The following PRDM16 variants were observed in gnomAD, a reference collection of about 807,000 sequenced individuals.
PRDM16 encodes histone-lysine N-methyltransferase PRDM16.
PRDM16 carries 23 observed loss-of-function variants against 110.6 expected under a neutral mutation model. That is an observed-to-expected ratio of 0.21 (90% confidence interval 0.15 to 0.29). The LOEUF (loss-of-function observed/expected upper bound fraction) is 0.29. Ranked by LOEUF, PRDM16 falls within the 10% of genes least tolerant of loss-of-function variation. The pLI, the probability that PRDM16 is intolerant of heterozygous loss-of-function variation, is 1.00. For synonymous variants in PRDM16, 799 were observed against 781.8 expected, an observed-to-expected ratio of 1.02 and a Z score of -0.37; for missense variants, 1,615 against 1,794.3, an observed-to-expected ratio of 0.90 and a Z score of 1.81.
At chr1:3,172,243 G>A (rs905861730) in intron 1 of PRDM16, among the ~76,000 whole-genome samples, 2 of 152,188 alleles carry the variant, frequency 1.3e-5, no homozygotes, top group Non-Finnish European at 2.9e-5. Flanking sequence ...GGAGGAGGCT[G>A]AGGTCCAGAA....
Position 3,437,100 on chromosome 1 carries a change from A to G in PRDM16, c.*3289A>G, listed in dbSNP as rs1569805617. On this transcript the variant is annotated 3_prime_UTR_variant, in exon 17 of 17. Coordinates refer to ENST00000270722, the MANE Select transcript of PRDM16 (RefSeq NM_022114.4). Reference sequence around the variant, plus strand: ...CCCAAGATATCACTGACTTCAACCCAGAGGATCGAGCCCCTGCACCCTGCC... The same window carrying G: ...CCCAAGATATCACTGACTTCAACCCGGAGGATCGAGCCCCTGCACCCTGCC... 4.3e-6 allele frequency: 1 copy of G among 232,422 alleles called. No homozygotes were observed. The allele number at this position is 232,422 out of a possible 1,614,324, so 14.4% of individuals were successfully genotyped here. A position where few individuals can be genotyped will look rare whatever the true frequency, so the allele number is the denominator to read the frequency against.
At chr1:3,154,665 G>T (rs562318922) in intron 1 of PRDM16, among the ~76,000 whole-genome samples, 33 of 152,156 alleles carry the variant, frequency 2.2e-4, no homozygotes, top group Non-Finnish European at 4.3e-4. Flanking sequence ...CGGGCATCCT[G>T]CACTGGCGAG....
chr1:3,080,702 T>A lies in PRDM16; in HGVS notation c.37+11406T>A. 6.6e-6 allele frequency among the ~76,000 whole-genome samples: 1 copy of A among 152,054 alleles called. No homozygotes were observed. Among genetic ancestry groups the A allele is most frequent in the Middle Eastern group, 3.2e-3 (1 of 316 alleles). ...AAACTTGAGCAAAGCCAGCTTGCTC[T>A]CCCCCTCGGACCGGGCAACTGCTCC... is the stretch of plus-strand genomic sequence containing the variant. On this transcript the variant is annotated intron_variant, in intron 1 of 16. Coordinates refer to ENST00000270722, the MANE Select transcript of PRDM16 (RefSeq NM_022114.4). The surrounding 1 kb of genome is among the most constrained non-coding windows in gnomAD (Gnocchi z 5.2).
intron 2 of PRDM16, among the ~76,000 whole-genome samples, chr1:3,230,256 C>G (rs1639376814): frequency 6.6e-6 from 1 of 152,236 alleles, no homozygotes; most frequent in South Asian, 2.1e-4. Context: ...AGGGTGCCAA[C>G]TAGATGGCCG....
Position 3,370,171 on chromosome 1 carries a change from CGTG to C in PRDM16, c.439-14979_439-14977del, listed in dbSNP as rs1168200685. 6.6e-6 allele frequency among the ~76,000 whole-genome samples: 1 copy of C among 152,142 alleles called. No individual in the cohort carries two copies. The highest frequency in any genetic ancestry group is 1.5e-5 in the Non-Finnish European group (1 of 68,040). On this transcript the variant is annotated intron_variant, in intron 3 of 16. Transcript: ENST00000270722. This position sits in a 1 kb window ranked among gnomAD's most constrained non-coding sequence, Gnocchi z 4.8. The stretch of plus-strand genomic sequence containing the variant: ...AGGGTGCTGAGATGAACAAACCCAC[CGTG>C]GCCTCTGCTTTGGGGAGACTGGCCA...
intron 10 of PRDM16, among the ~76,000 whole-genome samples, chr1:3,415,916 C>T (rs926866292): frequency 6.6e-6 from 1 of 152,264 alleles, no homozygotes; most frequent in Non-Finnish European, 1.5e-5. Context: ...TGTGGAAAGA[C>T]CTCAGCCCTG....
At position 3,412,641 on chromosome 1, in the gene PRDM16, A is replaced by G. The variant is rs1369390354; in HGVS notation, c.2444A>G (p.Gln815Arg). The change falls in exon 9 of 17, where the codon CAA (glutamine) becomes CGA (arginine). Residue 815 changes from glutamine (Q) to arginine (R), a missense_variant. Transcript: ENST00000270722. Reference sequence around the variant, plus strand: ...ATCGGCAGCCGGGCCCGTGCCAGCCAAAACGGCGGCGGGCGGGAGCCCCGC... The same window carrying G: ...ATCGGCAGCCGGGCCCGTGCCAGCCGAAACGGCGGCGGGCGGGAGCCCCGC... ...LSIGSRARASQNGGGREPRKN... is the reference protein window; with the variant it reads ...LSIGSRARASRNGGGREPRKN... 7 of 1,564,078 alleles carry G rather than the reference A, an allele frequency of 4.5e-6. No homozygotes were observed. Among genetic ancestry groups the G allele is most frequent in the Admixed American group, 3.8e-5 (2 of 53,300 alleles).
chr1:3,114,190 C>T (rs1432142056), intron 1 of PRDM16, among the ~76,000 whole-genome samples: 3 of 103,300 alleles, frequency 2.9e-5, no homozygotes, highest in Non-Finnish European at 5.6e-5. Context: ...CACACGCACA[C>T]ACGCACACGC....
At chr1:3,087,648 G>A (rs1642180986) in intron 1 of PRDM16, among the ~76,000 whole-genome samples, 1 of 152,078 alleles carries the variant, frequency 6.6e-6, no homozygotes, top group Non-Finnish European at 1.5e-5. Context: ...CTGTTTCCTT[G>A]GACGTGACCA....
Position 3,425,703 on chromosome 1 carries a change from C to T in PRDM16, c.3062C>T (p.Thr1021Ile). Residue 1021 changes from threonine to isoleucine, a missense_variant, in exon 13 of 17, where the codon ACC becomes ATC. Thr to Ile is a moderately conservative substitution (Grantham distance 89). Coordinates refer to ENST00000270722, the MANE Select transcript of PRDM16 (RefSeq NM_022114.4). This position sits in a 1 kb window ranked among gnomAD's most constrained non-coding sequence, Gnocchi z 6.9. The part of the protein sequence containing the change: ...HLCNRCFGQQ[T>I]NLDRHLKKHE... ...TGCAACCGCTGCTTCGGGCAGCAGA[C>T]CAACCTGGACCGGCACCTCAAGAAG... 6.2e-7 allele frequency: 1 copy of T among 1,613,886 alleles called. No homozygotes were observed. Among genetic ancestry groups the T allele is most frequent in the Non-Finnish European group, 8.5e-7 (1 of 1,179,950 alleles).
At chr1:3,284,047 G>C (rs921094566) in intron 3 of PRDM16, among the ~76,000 whole-genome samples, 3 of 152,200 alleles carry the variant, frequency 2.0e-5, no homozygotes, top group African/African-American at 7.2e-5. Context: ...GCGGGCCTGG[G>C]GGGGCCTGGA....
rs1208919537 is a variant in PRDM16, at chr1:3,339,803, G to C, written c.439-45349G>C. ...CCTTCCCCAGCTGCTGGAATCCTCA[G>C]AGAGCCCCTGTCACTCAAAGGGAGG... On this transcript the variant is annotated intron_variant, in intron 3 of 16. Transcript: ENST00000270722. This position sits in a 1 kb window ranked among gnomAD's most constrained non-coding sequence, Gnocchi z 5.0. 6.6e-6 allele frequency among the ~76,000 whole-genome samples: 1 copy of C among 152,158 alleles called. No individual in the cohort carries two copies. Among genetic ancestry groups the C allele is most frequent in the Non-Finnish European group, 1.5e-5 (1 of 68,008 alleles).
chr1:3,272,466 G>A (rs1451161922), intron 3 of PRDM16, among the ~76,000 whole-genome samples: 5 of 152,158 alleles, frequency 3.3e-5, no homozygotes, highest in Non-Finnish European at 1.5e-5. Flanking sequence ...GGCTAGAGTC[G>A]TGCAGCCTCT....
At chr1:3,381,461 G>C (rs549913539) in intron 3 of PRDM16, among the ~76,000 whole-genome samples, 2 of 149,284 alleles carry the variant, frequency 1.3e-5, no homozygotes, top group Admixed American at 6.7e-5. Context: ...GGAGTGCAGT[G>C]GCGCAATCTC....
intron 1 of PRDM16, among the ~76,000 whole-genome samples, chr1:3,082,641 G>A (rs1305875096): frequency 6.6e-6 from 1 of 152,176 alleles, no homozygotes; most frequent in Non-Finnish European, 1.5e-5. Flanking sequence ...CCGGGGTTGG[G>A]GGCCAATGCC....
At chr1:3,103,111 A>G (rs888101835) in intron 1 of PRDM16, among the ~76,000 whole-genome samples, 5 of 152,212 alleles carry the variant, frequency 3.3e-5, no homozygotes, top group Non-Finnish European at 7.3e-5. Flanking sequence ...CAGCAAAGTC[A>G]GGAGAGATGG....
intron 3 of PRDM16, among the ~76,000 whole-genome samples, chr1:3,250,129 C>G (rs958137548): frequency 7.1e-6 from 1 of 140,232 alleles, no homozygotes; most frequent in African/African-American, 2.6e-5. Flanking sequence ...CCCCTCCCCC[C>G]ACCCCACTCC....
In PRDM16 at chr1:3,175,912, T is replaced by G. The variant is rs941915169; in HGVS notation, c.38-10213T>G. 2.0e-5 allele frequency among the ~76,000 whole-genome samples: 3 copies of G among 152,146 alleles called. No homozygotes were observed. In the East Asian group the frequency reaches 5.8e-4, roughly 29 times the overall value. On this transcript the variant is annotated intron_variant, in intron 1 of 16. Coordinates refer to ENST00000270722, the MANE Select transcript of PRDM16 (RefSeq NM_022114.4). The surrounding 1 kb of genome is among the most constrained non-coding windows in gnomAD (Gnocchi z 4.8). ...GAGTGAGGCTCCTGCCTTCTACCTC[T>G]TCTGTTGGAAACTGCCCTGGAGGTT...
intron 1 of PRDM16, among the ~76,000 whole-genome samples, chr1:3,162,814 C>T (rs931128674): frequency 6.6e-6 from 1 of 151,798 alleles, no homozygotes; most frequent in Non-Finnish European, 1.5e-5. Flanking sequence ...GGTCAAGGGT[C>T]CAGGGTCAAA....
Sources: allele counts gnomAD v4.1 joint callset (sites outside exome capture counted in the v4.1 genomes callset), GRCh38; gene constraint gnomAD v4.1.1; non-coding constraint Gnocchi (gnomAD v3.1); transcripts MANE v1.5; gene names NCBI Gene and HGNC (gene_info 2026-07-23, HGNC 2026-07-21).